Variants in EPB41L2 observed in about 807,000 individuals in gnomAD.
EPB41L2 encodes the protein band 4.1-like protein 2.
A neutral mutation model predicts 113.0 loss-of-function variants in EPB41L2; 43 were observed. The observed-to-expected ratio is 0.38, with a 90% confidence interval of 0.30 to 0.49. The LOEUF is 0.49. Among genes scored for constraint, EPB41L2 ranks in the 20% least tolerant of loss-of-function variants. The pLI is 0.95. For synonymous variants in EPB41L2, 442 were observed against 436.7 expected, an observed-to-expected ratio of 1.01 and a Z score of -0.15; for missense variants, 1,147 against 1,223.4, an observed-to-expected ratio of 0.94 and a Z score of 0.93.
At chr6:131,025,843 T>A (rs1562758225) in intron 1 of EPB41L2, among the ~76,000 whole-genome samples, 2 of 152,154 alleles carry the variant, frequency 1.3e-5, no homozygotes, top group Non-Finnish European at 2.9e-5. Context: ...CTGCCAGCAA[T>A]CTTGGTCCAC....
At chr6:131,032,540 T>C (rs4498389) in intron 1 of EPB41L2, among the ~76,000 whole-genome samples, 44,984 of 152,048 alleles carry the variant, frequency 0.3, 7,250 homozygotes, top group East Asian at 0.43. Context: ...AGAGTGACCA[T>C]CATCCCAGGA....
Position 130,869,852 on chromosome 6 carries a change from T to A in EPB41L2, c.2318A>T (p.Tyr773Phe). The A allele has an allele frequency of 6.2e-7, 1 of 1,613,730 alleles. No individual in the cohort carries two copies. ...GGGTTCTTCCTCCACCTCTTCTTCA[T>A]ACTCCTGTTCCTCCCTGATGGTGCC... ...TEGTIREEQE[Y>F]EEEVEEEPRP... The change falls in exon 15 of 20, where the codon TAT becomes TTT. Residue 773 changes from tyrosine (Y) to phenylalanine (F), a missense_variant. Transcript: ENST00000337057.
rs1043811273 is a variant in EPB41L2, at chr6:131,022,448, C to A, written c.-15+40707G>T. Among the ~76,000 whole-genome samples, 6 of 152,270 alleles carry A rather than the reference C, an allele frequency of 3.9e-5. No homozygotes were observed. In the East Asian group the frequency reaches 1.2e-3, roughly 29 times the overall value. On this transcript the variant is annotated intron_variant, in intron 1 of 19. Transcript: ENST00000337057. The stretch of plus-strand genomic sequence containing the variant: ...CCCTCCACCAGCTTTATATTCAAAT[C>A]TTCACAAAGTCTCTTATTAAAGGGA...
chr6:130,968,444 G>A (rs1775899868), intron 1 of EPB41L2, among the ~76,000 whole-genome samples: 1 of 152,168 alleles, frequency 6.6e-6, no homozygotes, highest in South Asian at 2.1e-4. Flanking sequence ...TTAAATTTTG[G>A]CCGTTAGTTC....
Position 130,872,326 on chromosome 6 carries a change from C to T in EPB41L2, c.2044-2200G>A, listed in dbSNP as rs528638800. On this transcript the variant is annotated intron_variant, in intron 14 of 19. Coordinates refer to ENST00000337057, the MANE Select transcript of EPB41L2 (RefSeq NM_001431.4). Reference sequence around the variant, plus strand: ...AATATTTAAAAAAATGAAAATCTCTCTCATATGTGGCTTTTAGTAACAGGG... The same window carrying T: ...AATATTTAAAAAAATGAAAATCTCTTTCATATGTGGCTTTTAGTAACAGGG... The T allele has an allele frequency of 2.5e-5, 31 of 1,238,530 alleles. 1 individual carries two copies. In the African/African-American group the frequency reaches 4.8e-4, roughly 19 times the overall value. 76.7% of individuals were successfully genotyped at this position (1,238,530 alleles called of 1,614,324 possible).
At chr6:130,965,527 G>A (rs1464612334) in intron 1 of EPB41L2, among the ~76,000 whole-genome samples, 3 of 151,750 alleles carry the variant, frequency 2.0e-5, no homozygotes, top group African/African-American at 7.3e-5. Flanking sequence ...CAAGTCTGGT[G>A]TAAGTTGCCT....
At chr6:130,867,767 C>A in intron 15 of EPB41L2, 186 bp from the exon 16 acceptor site, 1 of 608,856 alleles carries the variant, frequency 1.6e-6, no homozygotes, top group South Asian at 2.0e-5. Context: ...TCAAATATAT[C>A]ATATATACAC....
In EPB41L2 at chr6:130,947,603, G is replaced by A. The variant is rs151278898; in HGVS notation, c.705+7502C>T. On this transcript the variant is annotated intron_variant, in intron 3 of 19. Transcript: ENST00000337057. Reference sequence around the variant, plus strand: ...TACTTCCCCAAATAGTCCTCAGACGGTGATTTCCGGTGTAGAGATACAGAA... The same window carrying A: ...TACTTCCCCAAATAGTCCTCAGACGATGATTTCCGGTGTAGAGATACAGAA... Among the ~76,000 whole-genome samples the A allele has an allele frequency of 7.5e-3, 1,141 of 152,228 alleles. 16 individuals carry two copies. Among genetic ancestry groups the A allele is most frequent in the Non-Finnish European group, 0.01 (712 of 68,000 alleles).
intron 4 of EPB41L2, among the ~76,000 whole-genome samples, chr6:130,910,447 C>A (rs920573941): frequency 1.3e-5 from 2 of 152,098 alleles, no homozygotes; most frequent in Non-Finnish European, 1.5e-5. Context: ...TAGGCAATAC[C>A]ATTCAGGACA....
At chr6:131,062,768 C>G (rs935514113) in intron 1 of EPB41L2, among the ~76,000 whole-genome samples, 1 of 151,940 alleles carries the variant, frequency 6.6e-6, no homozygotes, top group Non-Finnish European at 1.5e-5. Flanking sequence ...CCCACGGCAC[C>G]CCGGGGGGGA....
At chr6:131,008,454 C>T (rs1285625828) in intron 1 of EPB41L2, among the ~76,000 whole-genome samples, 1 of 152,248 alleles carries the variant, frequency 6.6e-6, no homozygotes, top group Non-Finnish European at 1.5e-5. Flanking sequence ...AGAACCTCTG[C>T]TAGGGCAGTG....
intron 1 of EPB41L2, among the ~76,000 whole-genome samples, chr6:131,051,562 T>C (rs1796565395): frequency 6.6e-6 from 1 of 150,808 alleles, no homozygotes. Context: ...ATGTACAAAG[T>C]AACTGACTTA....
intron 1 of EPB41L2, chr6:130,970,269 C>T (rs2128653942): frequency 6.6e-6 from 1 of 152,312 alleles, no homozygotes; most frequent in South Asian, 2.1e-4. Context: ...AATCGCCCCC[C>T]TTGAAATACA....
At chr6:130,860,774 TC>T (rs1365709709) in intron 18 of EPB41L2, among the ~76,000 whole-genome samples, 1 of 152,256 alleles carries the variant, frequency 6.6e-6, no homozygotes, top group East Asian at 1.9e-4. Context: ...GACCTCATGA[TC>T]TGCCCGCCTC....
chr6:131,005,806 C>T (rs1785371027), intron 1 of EPB41L2, among the ~76,000 whole-genome samples: 1 of 152,144 alleles, frequency 6.6e-6, no homozygotes, highest in Admixed American at 6.5e-5. Flanking sequence ...TTCACAAATA[C>T]ACAGTAAACA....
chr6:130,948,508 G>C (rs1447053269), intron 3 of EPB41L2, among the ~76,000 whole-genome samples: 1 of 151,904 alleles, frequency 6.6e-6, no homozygotes, highest in African/African-American at 2.4e-5. Context: ...GCAGTAAAAG[G>C]GAAAAAAGCA....
At position 130,904,559 on chromosome 6, in the gene EPB41L2, A is replaced by C; in HGVS notation, c.854-19T>G. ...GGAAGGTCTGTAATTATTAAATATC[A>C]CAGTTATGCACCCAATTAACAGAAG... On this transcript the variant is annotated intron_variant, in intron 5 of 19. Transcript: ENST00000337057. 5 of 1,486,166 alleles carry C rather than the reference A, an allele frequency of 3.4e-6. No individual in the cohort carries two copies. The highest frequency in any genetic ancestry group is 4.7e-6 in the Non-Finnish European group (5 of 1,073,380). The allele number at this position is 1,486,166 out of a possible 1,614,324, so 92.1% of individuals were successfully genotyped here. A position where few individuals can be genotyped will look rare whatever the true frequency, so the allele number is the denominator to read the frequency against.
chr6:130,941,623 T>C (rs1159548113), intron 3 of EPB41L2, among the ~76,000 whole-genome samples: 1 of 152,238 alleles, frequency 6.6e-6, no homozygotes, highest in Non-Finnish European at 1.5e-5. Flanking sequence ...CACTTGAAAT[T>C]GTTGCTGACA....
intron 4 of EPB41L2, among the ~76,000 whole-genome samples, chr6:130,924,100 C>T (rs1803805292): frequency 6.6e-6 from 1 of 152,130 alleles, no homozygotes; most frequent in Non-Finnish European, 1.5e-5. Flanking sequence ...ACTGCTTTAA[C>T]TCACTTAACA....
Sources: gnomAD v4.1 joint callset for allele counts (sites outside exome capture counted in the v4.1 genomes callset) on GRCh38, gnomAD v4.1.1 for gene constraint, MANE v1.5 for transcripts, NCBI Gene and HGNC (gene_info 2026-07-23, HGNC 2026-07-21) for gene names.